DOCK3: variants seen among roughly 807,000 people sequenced by gnomAD.
DOCK3 encodes dedicator of cytokinesis protein 3.
Under a neutral mutation model 265.6 loss-of-function variants are expected in DOCK3, and 60 were observed. The observed-to-expected ratio is 0.23, with a 90% confidence interval of 0.18 to 0.28. The LOEUF (loss-of-function observed/expected upper bound fraction) is 0.28, where lower values mean the gene tolerates loss of function less well. DOCK3 is among the 10% of genes least tolerant of loss of function. The pLI is 1.00. For synonymous variants in DOCK3, 881 were observed against 938.0 expected (o/e 0.94, Z 1.11); for missense variants, 1,981 against 2,594.3 (o/e 0.76, Z 5.14).
chr3:51,171,064 T>G (rs1389628439), intron 12 of DOCK3, among the ~76,000 whole-genome samples: 1 of 152,186 alleles, frequency 6.6e-6, no homozygotes, highest in Non-Finnish European at 1.5e-5. Flanking sequence ...TGCCCTAACT[T>G]TCATTATTTT....
intron 5 of DOCK3, among the ~76,000 whole-genome samples, chr3:50,978,059 A>G (rs1370006560): frequency 1.3e-5 from 2 of 151,778 alleles, no homozygotes; most frequent in Non-Finnish European, 1.5e-5. Flanking sequence ...ATTTTTTTCA[A>G]AGTTTTCAAC....
At chr3:51,372,280 G>C (rs1178013269) in intron 49 of DOCK3, among the ~76,000 whole-genome samples, 1 of 152,216 alleles carries the variant, frequency 6.6e-6, no homozygotes, top group Admixed American at 6.5e-5. Flanking sequence ...AGAAACCCTT[G>C]TGTTGTTCAA....
At chr3:50,996,940 C>T (rs2078308328) in intron 5 of DOCK3, among the ~76,000 whole-genome samples, 1 of 152,178 alleles carries the variant, frequency 6.6e-6, no homozygotes, top group Non-Finnish European at 1.5e-5. Flanking sequence ...GAGATCTTTG[C>T]TTATGCTGCT....
At chr3:51,042,662 T>C (rs899400363) in intron 5 of DOCK3, among the ~76,000 whole-genome samples, 11 of 152,216 alleles carry the variant, frequency 7.2e-5, no homozygotes, top group Non-Finnish European at 1.6e-4. Flanking sequence ...TATTCCTGTT[T>C]GCAGATGACA....
At chr3:50,680,078 G>A (rs979410358) in intron 1 of DOCK3, among the ~76,000 whole-genome samples, 6 of 152,130 alleles carry the variant, frequency 3.9e-5, no homozygotes, top group African/African-American at 1.4e-4. Flanking sequence ...ATTACACCGT[G>A]TCCTCTGAAA....
intron 22 of DOCK3, among the ~76,000 whole-genome samples, chr3:51,251,976 A>G (rs565006676): frequency 6.6e-6 from 1 of 152,290 alleles, no homozygotes; most frequent in African/African-American, 2.4e-5. Flanking sequence ...GTTTTCTTCT[A>G]GGGTTTTTAT....
intron 5 of DOCK3, among the ~76,000 whole-genome samples, chr3:51,006,105 T>C (rs2078666059): frequency 6.6e-6 from 1 of 152,300 alleles, no homozygotes; most frequent in Non-Finnish European, 1.5e-5. Context: ...CAGTTCTGTC[T>C]GCCTAGAATA....
chr3:50,851,411 C>A (rs1279034913), intron 3 of DOCK3, among the ~76,000 whole-genome samples: 1 of 152,090 alleles, frequency 6.6e-6, no homozygotes, highest in Non-Finnish European at 1.5e-5. Context: ...GGCGGCTGAT[C>A]CAGATGAGCT....
At chr3:51,141,152 T>C (rs1384153834) in intron 9 of DOCK3, among the ~76,000 whole-genome samples, 2 of 151,478 alleles carry the variant, frequency 1.3e-5, no homozygotes, top group Non-Finnish European at 2.9e-5. Context: ...AAACCATTAC[T>C]TAATTCAAGG....
At chr3:51,085,011 A>G (rs1219433562) in intron 7 of DOCK3, among the ~76,000 whole-genome samples, 1 of 152,244 alleles carries the variant, frequency 6.6e-6, no homozygotes, top group South Asian at 2.1e-4. Context: ...ATAGAAACCT[A>G]AAGCATGCAA....
chr3:50,845,137 C>T (rs755470966), intron 3 of DOCK3, among the ~76,000 whole-genome samples: 89 of 152,028 alleles, frequency 5.9e-4, no homozygotes, highest in Non-Finnish European at 1.1e-3. Context: ...GCAGGAGAAT[C>T]GCTTGAACTC....
At chr3:50,807,249 CTTTTTTTTTTT>C (rs59370167) in intron 2 of DOCK3, among the ~76,000 whole-genome samples, 58 of 144,298 alleles carry the variant, frequency 4.0e-4, no homozygotes, top group Middle Eastern at 3.6e-3. Context: ...CTGCCACGCT[CTTTTTTTTTTT>C]TTTTTTTTTT....
At chr3:51,306,108 C>T (rs1553847985) in intron 27 of DOCK3, among the ~76,000 whole-genome samples, 1 of 151,506 alleles carries the variant, frequency 6.6e-6, no homozygotes, top group Non-Finnish European at 1.5e-5. Flanking sequence ...TCAAGCAATC[C>T]TCCCATCTCA....
At chr3:50,949,714 A>G (rs2076539251) in intron 5 of DOCK3, among the ~76,000 whole-genome samples, 1 of 152,140 alleles carries the variant, frequency 6.6e-6, no homozygotes, top group Non-Finnish European at 1.5e-5. Context: ...TTTATATTCT[A>G]GGAATTTTTC....
At chr3:51,281,078 A>C (rs564902458) in intron 27 of DOCK3, among the ~76,000 whole-genome samples, 23 of 151,908 alleles carry the variant, frequency 1.5e-4, no homozygotes, top group African/African-American at 5.6e-4. Flanking sequence ...TTTTGTTTGC[A>C]TTGATTATAT....
chr3:51,016,960 T>TGATATATGTTTATATATAAATATATTA lies in DOCK3; in HGVS notation c.316-47488_316-47487insGATATATGTTTATATATAAATATATTA, dbSNP rs1553734355. 1.9e-5 allele frequency among the ~76,000 whole-genome samples: 2 copies of TGATATATGTTTATATATAAATATATTA among 106,904 alleles called. 1 individual carries two copies. The highest frequency in any genetic ancestry group is 7.6e-5 in the African/African-American group (2 of 26,194). 70.1% of individuals were successfully genotyped at this position (106,904 alleles called of 152,430 possible). A position where few individuals can be genotyped will look rare whatever the true frequency, so the allele number is the denominator to read the frequency against. On this transcript the variant is annotated intron_variant, in intron 5 of 52. Transcript: ENST00000266037. Reference sequence around the variant, plus strand: ...ATATATGTTATATATAATATATATATTATATATATATAAATAAATGGTAAA... The same window carrying TGATATATGTTTATATATAAATATATTA: ...ATATATGTTATATATAATATATATATGATATATGTTTATATATAAATATATTATATATATATATAAATAAATGGTAAA...
intron 5 of DOCK3, among the ~76,000 whole-genome samples, chr3:51,032,945 A>AAAATAAGC (rs2080113443): frequency 6.6e-6 from 1 of 152,154 alleles, no homozygotes; most frequent in South Asian, 2.1e-4. Flanking sequence ...TTTACTTCTC[A>AAAATAAGC]AAATAAGCTC....
chr3:51,054,302 C>T (rs1014434362), intron 5 of DOCK3, among the ~76,000 whole-genome samples: 1 of 152,034 alleles, frequency 6.6e-6, no homozygotes, highest in Non-Finnish European at 1.5e-5. Context: ...TTTCTAGCTT[C>T]CAGTATTGTT....
intron 1 of DOCK3, among the ~76,000 whole-genome samples, chr3:50,764,866 G>A (rs746990303): frequency 6.6e-5 from 10 of 151,940 alleles, no homozygotes; most frequent in East Asian, 1.9e-4. Context: ...ATTTTGCCAC[G>A]GATAAATCCT....
Sources: gnomAD v4.1 joint callset for allele counts (sites outside exome capture counted in the v4.1 genomes callset) on GRCh38, gnomAD v4.1.1 for gene constraint, MANE v1.5 for transcripts, NCBI Gene and HGNC (gene_info 2026-07-23, HGNC 2026-07-21) for gene names.